Variants in PDE10A observed in about 807,000 individuals in gnomAD.
The protein encoded by PDE10A is cAMP and cAMP-inhibited cGMP 3',5'-cyclic phosphodiesterase 10A.
In PDE10A, 39 loss-of-function variants were observed where a neutral mutation model predicts 97.7. That is an observed-to-expected ratio of 0.40 (90% CI 0.31 to 0.52). The LOEUF (loss-of-function observed/expected upper bound fraction) is 0.52, where lower values mean the gene tolerates loss of function less well. PDE10A is among the 20% of genes least tolerant of loss of function. The pLI is 0.56. For missense variants in PDE10A, 731 were observed against 1,047.8 expected, an observed-to-expected ratio of 0.70 and a Z score of 4.17; for synonymous variants, 371 against 376.8, an observed-to-expected ratio of 0.98 and a Z score of 0.18.
intron 5 of PDE10A, among the ~76,000 whole-genome samples, chr6:165,436,632 TTAAG>T (rs1196418494): frequency 6.6e-6 from 1 of 152,148 alleles, no homozygotes; most frequent in Admixed American, 6.5e-5. Context: ...TGTGAAAAAT[TTAAG>T]TAATTATTTT....
chr6:165,763,728 G>A (rs1015677192), intron 1 of PDE10A, among the ~76,000 whole-genome samples: 5 of 152,190 alleles, frequency 3.3e-5, no homozygotes, highest in African/African-American at 1.2e-4. Context: ...TGGTCATGCT[G>A]ATGCAGCTTT....
intron 16 of PDE10A, among the ~76,000 whole-genome samples, chr6:165,391,524 T>C (rs1399768747): frequency 6.6e-6 from 1 of 152,064 alleles, no homozygotes; most frequent in African/African-American, 2.4e-5. Context: ...ATGCTGAAAG[T>C]CTCAACAGTA....
intron 1 of PDE10A, chr6:165,660,682 G>C (rs1463410477): frequency 6.5e-6 from 1 of 152,728 alleles, no homozygotes; most frequent in Non-Finnish European, 1.5e-5. Context: ...CCAAAGCCTG[G>C]GAATGAGCCG....
chr6:165,642,771 T>C (rs1583700356), intron 1 of PDE10A, among the ~76,000 whole-genome samples: 1 of 152,350 alleles, frequency 6.6e-6, no homozygotes, highest in East Asian at 1.9e-4. Context: ...TTAATTCAGC[T>C]CTAAAGAGCC....
intron 1 of PDE10A, among the ~76,000 whole-genome samples, chr6:165,606,743 G>C (rs1787228262): frequency 6.6e-6 from 1 of 152,136 alleles, no homozygotes; most frequent in African/African-American, 2.4e-5. Context: ...AAGGTCAACA[G>C]ATAAAACAGT....
chr6:165,833,620 G>A (rs1779987340), intron 1 of PDE10A, among the ~76,000 whole-genome samples: 1 of 152,372 alleles, frequency 6.6e-6, no homozygotes, highest in Non-Finnish European at 1.5e-5. Flanking sequence ...TCAGCATGAG[G>A]GGGGCCCAAG....
At chr6:165,517,288 CT>C (rs891943222) in intron 2 of PDE10A, among the ~76,000 whole-genome samples, 1 of 152,050 alleles carries the variant, frequency 6.6e-6, no homozygotes, top group Admixed American at 6.6e-5. Flanking sequence ...TCTTACAAGT[CT>C]TAAATAGACT....
chr6:165,724,832 A>G (rs1391344082), intron 1 of PDE10A, among the ~76,000 whole-genome samples: 1 of 152,228 alleles, frequency 6.6e-6, no homozygotes, highest in Non-Finnish European at 1.5e-5. Context: ...TGGCAGCAGC[A>G]TCGGCTTCCA....
At chr6:165,978,667 C>T (rs918761935) in intron 1 of PDE10A, among the ~76,000 whole-genome samples, 7 of 152,054 alleles carry the variant, frequency 4.6e-5, no homozygotes, top group Non-Finnish European at 7.4e-5. Flanking sequence ...AAAAAAATGA[C>T]GACTCAACAT....
chr6:165,958,577 GAA>G (rs1784240448), intron 1 of PDE10A, among the ~76,000 whole-genome samples: 2 of 23,644 alleles, frequency 8.5e-5, no homozygotes, highest in Admixed American at 5.3e-4. Flanking sequence ...CAGACAGAAA[GAA>G]AGACAGAAAG....
At chr6:165,846,467 A>T (rs1780421763) in intron 1 of PDE10A, among the ~76,000 whole-genome samples, 1 of 152,234 alleles carries the variant, frequency 6.6e-6, no homozygotes, top group African/African-American at 2.4e-5. Context: ...CCCTGTGTGA[A>T]GGCCGGCGTG....
chr6:165,401,737 G>A (rs1786680935), intron 13 of PDE10A, among the ~76,000 whole-genome samples: 1 of 152,194 alleles, frequency 6.6e-6, no homozygotes, highest in Non-Finnish European at 1.5e-5. Flanking sequence ...TGTGAGAGGA[G>A]ACTGCTTCCT....
chr6:165,464,808 C>T (rs887279285), intron 3 of PDE10A, among the ~76,000 whole-genome samples: 20 of 152,156 alleles, frequency 1.3e-4, no homozygotes, highest in African/African-American at 4.8e-4. Context: ...TCAGGGCAAA[C>T]CAGCCATGGT....
chr6:165,427,855 G>A (rs1204694751), intron 10 of PDE10A, among the ~76,000 whole-genome samples: 1 of 151,888 alleles, frequency 6.6e-6, no homozygotes, highest in Non-Finnish European at 1.5e-5. Flanking sequence ...TTTTATTTTT[G>A]TCTAGATAAA....
intron 1 of PDE10A, among the ~76,000 whole-genome samples, chr6:165,718,898 A>T (rs1371707924): frequency 6.6e-6 from 1 of 152,214 alleles, no homozygotes; most frequent in Non-Finnish European, 1.5e-5. Flanking sequence ...AAGAGACCAT[A>T]CAGGGAGGAA....
chr6:165,538,178 G>A (rs1044338408), intron 2 of PDE10A, among the ~76,000 whole-genome samples: 6 of 151,722 alleles, frequency 4.0e-5, no homozygotes, highest in Non-Finnish European at 8.8e-5. Flanking sequence ...TGCTTTATTC[G>A]TATGAAAATT....
At chr6:165,874,356 A>G (rs145756283) in intron 1 of PDE10A, among the ~76,000 whole-genome samples, 13 of 139,812 alleles carry the variant, frequency 9.3e-5, no homozygotes, top group African/African-American at 3.5e-4. Flanking sequence ...ATGGTGGAAG[A>G]GAACTTATTT....
intron 13 of PDE10A, among the ~76,000 whole-genome samples, chr6:165,397,391 G>T (rs1000006271): frequency 4.6e-5 from 7 of 152,074 alleles, no homozygotes; most frequent in African/African-American, 1.4e-4. Context: ...ACCATCTATA[G>T]GTAAGACTAT....
intron 3 of PDE10A, among the ~76,000 whole-genome samples, chr6:165,474,839 T>C (rs1283952201): frequency 2.6e-5 from 4 of 151,932 alleles, no homozygotes; most frequent in Non-Finnish European, 5.9e-5. Flanking sequence ...CTAGACTCCA[T>C]AAGGAAAAAT....
Sources: allele counts gnomAD v4.1 joint callset (sites outside exome capture counted in the v4.1 genomes callset), GRCh38; gene constraint gnomAD v4.1.1; transcripts MANE v1.5; gene names NCBI Gene and HGNC (gene_info 2026-07-23, HGNC 2026-07-21).